The following COL4A5 variants were observed in gnomAD, a reference collection of about 807,000 sequenced individuals.
The protein encoded by COL4A5 is collagen type IV alpha 5 chain, also known as collagen alpha-5(IV) chain.
Under a neutral mutation model 130.2 loss-of-function variants are expected in COL4A5, and 26 were observed. The observed-to-expected ratio is 0.20, with a 90% CI of 0.15 to 0.28. The LOEUF (loss-of-function observed/expected upper bound fraction) is 0.28. Ranked by LOEUF, COL4A5 falls within the 10% of genes least tolerant of loss-of-function variation. COL4A5 has a pLI of 1.00. For missense variants in COL4A5, 1,131 were observed against 1,344.3 expected, an observed-to-expected ratio of 0.84 and a Z score of 2.48; for synonymous variants, 496 against 439.6, an observed-to-expected ratio of 1.13 and a Z score of -1.60.
At chrX:108,671,413 T>C (rs1391418274) in intron 42 of COL4A5, among the ~76,000 whole-genome samples, 1 of 112,096 alleles carries the variant, frequency 8.9e-6, no homozygotes, top group Non-Finnish European at 1.9e-5. Flanking sequence ...ATTGATTCTC[T>C]AGTTTCTTAC....
At chrX:108,450,628 T>C (rs893303803) in intron 1 of COL4A5, among the ~76,000 whole-genome samples, 1 of 111,131 alleles carries the variant, frequency 9.0e-6, no homozygotes, top group African/African-American at 3.3e-5. Flanking sequence ...ACTTTTCTAA[T>C]GAAGCTGGTA....
chrX:108,473,613 G>GTATATATATA (rs1230922272), intron 1 of COL4A5, among the ~76,000 whole-genome samples: 37 of 46,030 alleles, frequency 8.0e-4, no homozygotes, highest in Admixed American at 1.4e-3. Context: ...ATATATATAT[G>GTATATATATA]TATATATATA....
intron 6 of COL4A5, among the ~76,000 whole-genome samples, chrX:108,570,604 T>C (rs2147751559): frequency 8.9e-6 from 1 of 112,310 alleles, no homozygotes; most frequent in Admixed American, 9.4e-5. Context: ...GGAGCCACAA[T>C]GTATAGGTTT....
intron 2 of COL4A5, among the ~76,000 whole-genome samples, chrX:108,540,482 G>T (rs959301920): frequency 6.3e-5 from 7 of 110,977 alleles, no homozygotes; most frequent in African/African-American, 2.3e-4. Flanking sequence ...ACACGGTCTT[G>T]CTCTGTCACC....
At chrX:108,643,552 C>T (rs780662712) in intron 36 of COL4A5, among the ~76,000 whole-genome samples, 1 of 111,706 alleles carries the variant, frequency 9.0e-6, no homozygotes, top group South Asian at 3.7e-4. Flanking sequence ...GGGATTGGGG[C>T]CCTATCTTCA....
chrX:108,630,057 T>C (rs1179212573), intron 36 of COL4A5, among the ~76,000 whole-genome samples: 3 of 112,109 alleles, frequency 2.7e-5, no homozygotes, highest in Non-Finnish European at 3.8e-5. Flanking sequence ...CAGTGTATCA[T>C]GGATGGACAT....
At chrX:108,636,039 A>G (rs900411800) in intron 36 of COL4A5, among the ~76,000 whole-genome samples, 7 of 112,075 alleles carry the variant, frequency 6.2e-5, no homozygotes, top group Non-Finnish European at 1.1e-4. Flanking sequence ...TACTTGGGCA[A>G]TGGGAACATT....
intron 41 of COL4A5, among the ~76,000 whole-genome samples, chrX:108,669,481 A>G (rs1436167139): frequency 8.9e-6 from 1 of 112,021 alleles, no homozygotes; most frequent in Non-Finnish European, 1.9e-5. Flanking sequence ...GATCATTTTC[A>G]AAACCAAATT....
intron 37 of COL4A5, among the ~76,000 whole-genome samples, chrX:108,663,309 T>A (rs776384162): frequency 1.3e-4 from 14 of 111,754 alleles, no homozygotes; most frequent in African/African-American, 4.6e-4. Context: ...CTCAGAAGTG[T>A]TTAGGGGTAA....
rs137855849 is a variant in COL4A5 at position 108,598,788 on chromosome X, C to T, written c.1866C>T (p.Pro622=). The T allele has an allele frequency of 1.7e-6, 2 of 1,209,399 alleles. No homozygotes were observed. The highest frequency in any genetic ancestry group is 3.5e-5 in the African/African-American group (2 of 57,251). Residue 622 remains proline (P), a synonymous_variant, in exon 25 of 53, where the codon CCC becomes CCT. Coordinates refer to ENST00000328300, the MANE Select transcript of COL4A5 (RefSeq NM_033380.3). Reference sequence around the variant, plus strand: ...CAGGGAATATAGGGCCTATGGGTCCCCCTGGTTTCGGCCCTCCAGGCCCAG... The same window carrying T: ...CAGGGAATATAGGGCCTATGGGTCCTCCTGGTTTCGGCCCTCCAGGCCCAG... ...GLPGNIGPMG[P]PGFGPPGPVG... is the part of the protein sequence containing the mutation.
intron 1 of COL4A5, among the ~76,000 whole-genome samples, chrX:108,539,233 A>T (rs1001920731): frequency 1.8e-5 from 2 of 111,736 alleles, no homozygotes; most frequent in African/African-American, 6.5e-5. Flanking sequence ...ATCATATTAC[A>T]GGGAAGTTGT....
At chrX:108,519,597 T>C (rs1447960654) in intron 1 of COL4A5, among the ~76,000 whole-genome samples, 1 of 111,650 alleles carries the variant, frequency 9.0e-6, no homozygotes, top group Non-Finnish European at 1.9e-5. Flanking sequence ...ATAAGCAATG[T>C]TTACATTATT....
chrX:108,697,386 A>C lies in COL4A5; in HGVS notation c.*1008A>C, dbSNP rs1320830748. The C allele has an allele frequency of 9.0e-6, 1 of 110,809 alleles. No homozygotes were observed. The highest frequency in any genetic ancestry group is 3.3e-5 in the African/African-American group (1 of 30,539). 9.1% of individuals were successfully genotyped at this position (110,809 alleles called of 1,213,427 possible). The stretch of plus-strand genomic sequence containing the variant: ...AACAACACTTGGTTAGTCTCTTTTA[A>C]GTTACAAAAAGCCAATTGATGTTTC... On this transcript the variant is annotated 3_prime_UTR_variant, in exon 53 of 53. Coordinates refer to ENST00000328300, the MANE Select transcript of COL4A5 (RefSeq NM_033380.3).
chrX:108,468,257 T>C (rs1351728275), intron 1 of COL4A5, among the ~76,000 whole-genome samples: 1 of 111,300 alleles, frequency 9.0e-6, no homozygotes, highest in Non-Finnish European at 1.9e-5. Flanking sequence ...GGATTTTGGA[T>C]TTTCAGGTTA....
At chrX:108,484,394 G>A (rs1347901485) in intron 1 of COL4A5, among the ~76,000 whole-genome samples, 2 of 111,631 alleles carry the variant, frequency 1.8e-5, no homozygotes, top group Non-Finnish European at 3.8e-5. Context: ...TCTGGGCATT[G>A]AATAGTTAGG....
At chrX:108,565,898 A>C (rs1251695169) in intron 4 of COL4A5, among the ~76,000 whole-genome samples, 1 of 111,729 alleles carries the variant, frequency 9.0e-6, no homozygotes, top group Non-Finnish European at 1.9e-5. Context: ...AACATTAAAG[A>C]AAATAGGAAA....
At position 108,681,751 on chromosome X, in the gene COL4A5, G is replaced by T; in HGVS notation, c.4088-9G>T. 8.3e-7 allele frequency: 1 copy of T among 1,207,435 alleles called. No individual in the cohort carries two copies. On this transcript the variant is annotated splice_polypyrimidine_tract_variant and intron_variant, in intron 46 of 52. Coordinates refer to ENST00000328300, the MANE Select transcript of COL4A5 (RefSeq NM_033380.3). ...CTTTCCCTTCAAATTTGTGTGTTTT[G>T]TCTCATAGGTCCTCCTGGATTACCT...
At chrX:108,485,282 G>C (rs1281898162) in intron 1 of COL4A5, among the ~76,000 whole-genome samples, 2 of 112,033 alleles carry the variant, frequency 1.8e-5, no homozygotes, top group Non-Finnish European at 3.8e-5. Context: ...GAGCCCTCTT[G>C]TTGTTGTACC....
intron 30 of COL4A5, among the ~76,000 whole-genome samples, chrX:108,615,821 T>C (rs1253688289): frequency 8.9e-6 from 1 of 112,122 alleles, no homozygotes; most frequent in Non-Finnish European, 1.9e-5. Flanking sequence ...ATTTAATTGT[T>C]CCTTAATTCA....
Sources: gnomAD v4.1 joint callset for allele counts (sites outside exome capture counted in the v4.1 genomes callset) on GRCh38, gnomAD v4.1.1 for gene constraint, MANE v1.5 for transcripts, NCBI Gene and HGNC (gene_info 2026-07-23, HGNC 2026-07-21) for gene names.